Variants in XYLT1 observed in about 807,000 individuals in gnomAD.
The protein encoded by XYLT1 is beta-D-xylosyltransferase 1.
Under a neutral mutation model 91.3 loss-of-function variants are expected in XYLT1, and 36 were observed. The ratio of observed to expected loss-of-function variants is 0.39; its 90% confidence interval spans 0.30 to 0.52. The LOEUF (loss-of-function observed/expected upper bound fraction) is 0.52. Ranked by LOEUF, XYLT1 falls within the 20% of genes least tolerant of loss-of-function variation. The pLI is 0.68. For synonymous variants in XYLT1, 588 were observed against 532.0 expected (o/e 1.11, Z -1.45); for missense variants, 1,242 against 1,284.5 (o/e 0.97, Z 0.51).
intron 2 of XYLT1, among the ~76,000 whole-genome samples, chr16:17,351,236 C>A (rs2035216230): frequency 6.6e-6 from 1 of 152,106 alleles, no homozygotes; most frequent in African/African-American, 2.4e-5. Flanking sequence ...AATGTGTCGG[C>A]CAGGCATGTG....
At chr16:17,319,000 C>T (rs2034677606) in intron 2 of XYLT1, among the ~76,000 whole-genome samples, 1 of 152,040 alleles carries the variant, frequency 6.6e-6, no homozygotes, top group African/African-American at 2.4e-5. Context: ...GTTGGCCTGG[C>T]TGGTCTCAAA....
intron 2 of XYLT1, among the ~76,000 whole-genome samples, chr16:17,308,905 C>T (rs1054922541): frequency 6.6e-6 from 1 of 151,614 alleles, no homozygotes; most frequent in African/African-American, 2.4e-5. Flanking sequence ...CAGTGTCTGG[C>T]GCAAAATAGC....
At chr16:17,381,005 G>C (rs932231521) in intron 1 of XYLT1, among the ~76,000 whole-genome samples, 1 of 152,206 alleles carries the variant, frequency 6.6e-6, no homozygotes, top group African/African-American at 2.4e-5. Context: ...CTGGGGGTGA[G>C]AGTGGACAAT....
At chr16:17,309,054 G>C (rs1481821627) in intron 2 of XYLT1, among the ~76,000 whole-genome samples, 2 of 152,130 alleles carry the variant, frequency 1.3e-5, no homozygotes, top group South Asian at 2.1e-4. Context: ...CAATCAGAGA[G>C]AGCTAGAAAG....
intron 2 of XYLT1, among the ~76,000 whole-genome samples, chr16:17,303,010 G>C (rs1355091831): frequency 6.6e-6 from 1 of 150,926 alleles, no homozygotes; most frequent in South Asian, 2.1e-4. Flanking sequence ...GTAGGGAAGG[G>C]GAGTACATGG....
intron 2 of XYLT1, among the ~76,000 whole-genome samples, chr16:17,343,996 T>C (rs2035104255): frequency 6.6e-6 from 1 of 152,146 alleles, no homozygotes; most frequent in Non-Finnish European, 1.5e-5. Context: ...CGGGTGTTGA[T>C]TTTTACACAT....
chr16:17,388,199 A>T (rs1050438322), intron 1 of XYLT1, among the ~76,000 whole-genome samples: 6 of 152,242 alleles, frequency 3.9e-5, no homozygotes, highest in Admixed American at 1.3e-4. Context: ...GACATTTTGC[A>T]GACATGACAG....
At chr16:17,339,221 G>A (rs1182974012) in intron 2 of XYLT1, among the ~76,000 whole-genome samples, 3 of 152,090 alleles carry the variant, frequency 2.0e-5, no homozygotes, top group East Asian at 1.9e-4. Flanking sequence ...GGGGGTCTTC[G>A]AACTTGTACA....
At chr16:17,347,654 C>A (rs1055758407) in intron 2 of XYLT1, among the ~76,000 whole-genome samples, 1 of 152,256 alleles carries the variant, frequency 6.6e-6, no homozygotes, top group African/African-American at 2.4e-5. Flanking sequence ...CACTGGAAGA[C>A]CCTCTCCTTT....
intron 2 of XYLT1, among the ~76,000 whole-genome samples, chr16:17,324,591 T>G (rs2034771799): frequency 6.6e-6 from 1 of 152,274 alleles, no homozygotes. Flanking sequence ...GTCCTTCGTT[T>G]CTGAGCGCGT....
At chr16:17,419,912 G>A (rs1310427399) in intron 1 of XYLT1, among the ~76,000 whole-genome samples, 5 of 152,156 alleles carry the variant, frequency 3.3e-5, no homozygotes, top group Non-Finnish European at 7.4e-5. Context: ...CTCATAGCAA[G>A]GATAATTTCC....
chr16:17,222,604 A>C (rs1297285654), intron 3 of XYLT1, among the ~76,000 whole-genome samples: 1 of 152,060 alleles, frequency 6.6e-6, no homozygotes, highest in African/African-American at 2.4e-5. Flanking sequence ...AGCCTGGCCA[A>C]AATGACGAAA....
chr16:17,172,828 T>A (rs2031856251), intron 5 of XYLT1, among the ~76,000 whole-genome samples: 1 of 152,208 alleles, frequency 6.6e-6, no homozygotes, highest in African/African-American at 2.4e-5. Flanking sequence ...CAGCTGGGTA[T>A]CACTTTGAGT....
Position 17,377,106 on chromosome 16 carries a change from G to T in XYLT1, c.364-19056C>A, listed in dbSNP as rs1354349487. Among the ~76,000 whole-genome samples the T allele has an allele frequency of 2.6e-5, 4 of 151,156 alleles. No individual in the cohort carries two copies. In the East Asian group the frequency reaches 7.7e-4, roughly 29 times the overall value. On this transcript the variant is annotated intron_variant, in intron 1 of 11. Transcript: ENST00000261381. Reference sequence around the variant, plus strand: ...GCAGGAGAATTGCTTGAACCCGGAAGGTGGAGGGTGCAGTGAGCCAAGATC... The same window carrying T: ...GCAGGAGAATTGCTTGAACCCGGAATGTGGAGGGTGCAGTGAGCCAAGATC...
intron 1 of XYLT1, among the ~76,000 whole-genome samples, chr16:17,458,839 G>A (rs1036082560): frequency 6.6e-6 from 1 of 151,926 alleles, no homozygotes; most frequent in Non-Finnish European, 1.5e-5. Flanking sequence ...TGATTGGCTG[G>A]TTATATTTCT....
intron 3 of XYLT1, among the ~76,000 whole-genome samples, chr16:17,214,610 T>C (rs1250476053): frequency 1.3e-5 from 2 of 152,148 alleles, no homozygotes; most frequent in African/African-American, 4.8e-5. Flanking sequence ...ATGTCTATGA[T>C]ATGCCAGGCA....
chr16:17,348,252 G>A (rs1342812793), intron 2 of XYLT1, among the ~76,000 whole-genome samples: 1 of 152,090 alleles, frequency 6.6e-6, no homozygotes, highest in African/African-American at 2.4e-5. Flanking sequence ...GCGGGGCTGT[G>A]GATCTTCCAC....
chr16:17,235,413 A>G (rs1040557609), intron 3 of XYLT1, among the ~76,000 whole-genome samples: 1 of 150,638 alleles, frequency 6.6e-6, no homozygotes, highest in African/African-American at 2.4e-5. Context: ...AAAAGGACGT[A>G]CCAGTATCCC....
intron 1 of XYLT1, among the ~76,000 whole-genome samples, chr16:17,382,967 G>A (rs1057202343): frequency 6.6e-6 from 1 of 151,782 alleles, no homozygotes; most frequent in African/African-American, 2.4e-5. Context: ...GACTGCAGAG[G>A]ACAAATTTCA....
Sources: allele counts gnomAD v4.1 joint callset (sites outside exome capture counted in the v4.1 genomes callset), GRCh38; gene constraint gnomAD v4.1.1; transcripts MANE v1.5; gene names NCBI Gene and HGNC (gene_info 2026-07-23, HGNC 2026-07-21).